The following TIAM2 variants were observed in gnomAD, a reference collection of about 807,000 sequenced individuals.
TIAM2 encodes the protein TIAM Rac1 associated GEF 2.
Under a neutral mutation model 152.9 loss-of-function variants are expected in TIAM2, and 80 were observed. The ratio of observed to expected loss-of-function variants is 0.52; its 90% CI spans 0.44 to 0.63. The LOEUF is 0.63. Among genes scored for constraint, TIAM2 ranks in the 30% least tolerant of loss-of-function variants. The pLI is 0.00. For synonymous variants in TIAM2, 804 were observed against 838.0 expected (o/e 0.96, Z 0.70); for missense variants, 1,965 against 2,120.1 (o/e 0.93, Z 1.44).
intron 2 of TIAM2, among the ~76,000 whole-genome samples, chr6:155,118,553 C>T (rs1162662917): frequency 6.6e-6 from 1 of 151,560 alleles, no homozygotes; most frequent in Non-Finnish European, 1.5e-5. Context: ...CTGTCTCAGC[C>T]TCCCAAGTAG....
intron 1 of TIAM2, among the ~76,000 whole-genome samples, chr6:155,076,710 CAG>C (rs990383476): frequency 1.8e-4 from 28 of 152,126 alleles, no homozygotes; most frequent in African/African-American, 6.5e-4. Flanking sequence ...TTTTTTTAGA[CAG>C]AGTCTTGCTC....
At chr6:155,182,644 A>G (rs924159007) in intron 13 of TIAM2, among the ~76,000 whole-genome samples, 1 of 152,036 alleles carries the variant, frequency 6.6e-6, no homozygotes, top group African/African-American at 2.4e-5. Flanking sequence ...ATATGCCTAT[A>G]TATAGAGAGA....
chr6:155,221,000 G>A (rs1782021638), intron 15 of TIAM2, among the ~76,000 whole-genome samples: 1 of 151,760 alleles, frequency 6.6e-6, no homozygotes, highest in Non-Finnish European at 1.5e-5. Context: ...CCACTTACGA[G>A]ACATGTGGTG....
At chr6:155,095,204 C>T (rs114741674) in intron 2 of TIAM2, among the ~76,000 whole-genome samples, 27 of 152,300 alleles carry the variant, frequency 1.8e-4, no homozygotes, top group Admixed American at 2.6e-4. Flanking sequence ...CCTGTAACCT[C>T]GTTGACTCTG....
intron 9 of TIAM2, among the ~76,000 whole-genome samples, chr6:155,169,269 A>G (rs1314004441): frequency 2.6e-5 from 4 of 152,232 alleles, no homozygotes; most frequent in Non-Finnish European, 4.4e-5. Context: ...TGCTGGGATG[A>G]CAGGGTGAGC....
chr6:155,045,840 C>CTTTTTTTTTTTTTTTTTTTTTTTTTT (rs11354850), intron 1 of TIAM2, among the ~76,000 whole-genome samples: 2 of 60,496 alleles, frequency 3.3e-5, no homozygotes, highest in Non-Finnish European at 5.9e-5. Context: ...ATAGTGCCCT[C>CTTTTTTTTTTTTTTTTTTTTTTTTTT]TTTTTTTTTT....
At chr6:155,046,586 C>T (rs567025326) in intron 1 of TIAM2, among the ~76,000 whole-genome samples, 36 of 152,214 alleles carry the variant, frequency 2.4e-4, no homozygotes, top group Non-Finnish European at 3.7e-4. Context: ...CCATCCACCT[C>T]GGCCTCCCAA....
chr6:155,058,160 A>G (rs1777495393), intron 1 of TIAM2, among the ~76,000 whole-genome samples: 1 of 152,116 alleles, frequency 6.6e-6, no homozygotes, highest in Non-Finnish European at 1.5e-5. Context: ...TGGTGTTAGA[A>G]TGCTATTAGA....
chr6:155,152,558 T>C (rs1779999499), intron 7 of TIAM2, among the ~76,000 whole-genome samples: 1 of 152,216 alleles, frequency 6.6e-6, no homozygotes, highest in Admixed American at 6.5e-5. Flanking sequence ...CTTTGTACCA[T>C]GTCTCATCCA....
intron 15 of TIAM2, among the ~76,000 whole-genome samples, chr6:155,230,401 C>T (rs1782420089): frequency 6.6e-6 from 1 of 152,228 alleles, no homozygotes. Flanking sequence ...TTAACCCTGG[C>T]TCCAGTGTTA....
chr6:155,026,210 G>A (rs1583156496), intron 1 of TIAM2, among the ~76,000 whole-genome samples: 2 of 152,120 alleles, frequency 1.3e-5, no homozygotes, highest in East Asian at 3.8e-4. Flanking sequence ...AATATTTTAA[G>A]ACCTGGGTAA....
At chr6:155,046,043 C>T (rs1777167526) in intron 1 of TIAM2, among the ~76,000 whole-genome samples, 1 of 151,778 alleles carries the variant, frequency 6.6e-6, no homozygotes, top group Non-Finnish European at 1.5e-5. Context: ...GACTGCCCCA[C>T]TGCCTGCTCC....
intron 15 of TIAM2, among the ~76,000 whole-genome samples, chr6:155,233,073 A>G (rs1435622981): frequency 6.6e-6 from 1 of 152,178 alleles, no homozygotes; most frequent in African/African-American, 2.4e-5. Flanking sequence ...TGAGCCAGGA[A>G]AGGCGGGCAC....
At chr6:155,236,326 T>G (rs1400026559) in intron 15 of TIAM2, among the ~76,000 whole-genome samples, 1 of 151,850 alleles carries the variant, frequency 6.6e-6, no homozygotes, top group Admixed American at 6.6e-5. Flanking sequence ...GCAGTTCTCA[T>G]GCAGGCCACA....
At chr6:155,222,034 G>C (rs1782062572) in intron 15 of TIAM2, among the ~76,000 whole-genome samples, 2 of 151,772 alleles carry the variant, frequency 1.3e-5, no homozygotes, top group South Asian at 2.1e-4. Context: ...GTTCACTGTA[G>C]CCTCTGCCTC....
Position 155,216,850 on chromosome 6 carries a change from A to G in TIAM2, c.3168+5543A>G, listed in dbSNP as rs551389379. On this transcript the variant is annotated intron_variant, in intron 15 of 26. Transcript: ENST00000682666. Reference sequence around the variant, plus strand: ...GCAGGCAGGCTCCCGGCATGGGTGGAAACAGAGCAGGGGGCCAGCTTCCCC... The same window carrying G: ...GCAGGCAGGCTCCCGGCATGGGTGGGAACAGAGCAGGGGGCCAGCTTCCCC... The G allele has an allele frequency of 9.7e-6, 11 of 1,135,762 alleles. No individual in the cohort carries two copies. In the East Asian group the frequency reaches 8.1e-4, roughly 83 times the overall value. 70.4% of individuals were successfully genotyped at this position (1,135,762 alleles called of 1,614,324 possible). A position where few individuals can be genotyped will look rare whatever the true frequency, so the allele number is the denominator to read the frequency against.
intron 9 of TIAM2, among the ~76,000 whole-genome samples, chr6:155,176,443 A>G (rs1780759397): frequency 1.3e-5 from 2 of 152,362 alleles, no homozygotes; most frequent in South Asian, 2.1e-4. Flanking sequence ...CATGTTGGCC[A>G]GGCTGGTCTC....
intron 1 of TIAM2, among the ~76,000 whole-genome samples, chr6:155,048,048 G>A (rs1376819925): frequency 1.3e-5 from 2 of 152,074 alleles, no homozygotes; most frequent in African/African-American, 4.8e-5. Flanking sequence ...TACTTCCTGG[G>A]TTCAAGTGAT....
At chr6:155,176,450 T>C (rs1011879824) in intron 9 of TIAM2, among the ~76,000 whole-genome samples, 2 of 152,220 alleles carry the variant, frequency 1.3e-5, no homozygotes, top group Non-Finnish European at 2.9e-5. Context: ...GCCAGGCTGG[T>C]CTCGAACTCC....
Sources: allele counts gnomAD v4.1 joint callset (sites outside exome capture counted in the v4.1 genomes callset), GRCh38; gene constraint gnomAD v4.1.1; transcripts MANE v1.5; gene names NCBI Gene and HGNC (gene_info 2026-07-23, HGNC 2026-07-21).